Variants in PKN2 observed in about 807,000 individuals in gnomAD.
The protein encoded by PKN2 is serine/threonine-protein kinase N2.
Under a neutral mutation model 119.1 loss-of-function variants are expected in PKN2, and 38 were observed. The observed-to-expected ratio is 0.32, with a 90% CI of 0.25 to 0.42. PKN2 has a LOEUF of 0.42. Ranked by LOEUF, PKN2 falls within the 10% of genes least tolerant of loss-of-function variation. The probability of loss-of-function intolerance (pLI) is 1.00; values close to 1 mark genes in which losing one functional copy is unlikely to be tolerated. For missense variants in PKN2, 850 were observed against 1,165.1 expected (o/e 0.73, Z 3.94); for synonymous variants, 390 against 384.9 (o/e 1.01, Z -0.15).
At chr1:88,770,255 T>C (rs898609403) in intron 3 of PKN2, 97 bp from the exon 4 acceptor site, 19 of 656,798 alleles carry the variant, frequency 2.9e-5, no homozygotes, top group Non-Finnish European at 4.3e-5. Context: ...ACTCTGTTTT[T>C]CACTTGCTGA....
chr1:88,720,024 TTTGTTG>T (rs34630092), intron 1 of PKN2, among the ~76,000 whole-genome samples: 16 of 151,906 alleles, frequency 1.1e-4, no homozygotes, highest in East Asian at 5.8e-4. Flanking sequence ...CAAAATGTTT[TTTGTTG>T]TTGTTGTTGT....
chr1:88,777,636 A>G (rs1415677129), intron 6 of PKN2, among the ~76,000 whole-genome samples: 5 of 152,180 alleles, frequency 3.3e-5, no homozygotes, highest in Non-Finnish European at 5.9e-5. Context: ...TATTTCATTA[A>G]TATATTGTAC....
At chr1:88,788,879 A>G (rs1220461426) in intron 8 of PKN2, among the ~76,000 whole-genome samples, 1 of 152,196 alleles carries the variant, frequency 6.6e-6, no homozygotes, top group Non-Finnish European at 1.5e-5. Flanking sequence ...TTCCTGTTAT[A>G]AAAAGCTTAA....
intron 1 of PKN2, among the ~76,000 whole-genome samples, chr1:88,709,465 C>T (rs761462279): frequency 1.3e-5 from 2 of 151,948 alleles, no homozygotes; most frequent in South Asian, 2.1e-4. Flanking sequence ...CTCTCTGGGG[C>T]GAGAGGATCA....
intron 1 of PKN2, among the ~76,000 whole-genome samples, chr1:88,724,188 CTA>C (rs1174698929): frequency 2.0e-5 from 3 of 152,140 alleles, no homozygotes; most frequent in Non-Finnish European, 2.9e-5. Flanking sequence ...AGTTAAATAA[CTA>C]TTAAGTGTTA....
intron 3 of PKN2, among the ~76,000 whole-genome samples, chr1:88,762,360 C>T (rs536369291): frequency 3.9e-5 from 6 of 152,110 alleles, no homozygotes; most frequent in African/African-American, 9.7e-5. Flanking sequence ...AAATGGAGGT[C>T]GAAAGCCTAT....
intron 1 of PKN2, among the ~76,000 whole-genome samples, chr1:88,687,746 G>T (rs925815010): frequency 4.7e-5 from 7 of 149,946 alleles, no homozygotes; most frequent in African/African-American, 1.8e-4. Flanking sequence ...AATTACAGGG[G>T]TTAATTTCAC....
At chr1:88,825,674 A>G (rs1445074271) in intron 18 of PKN2, among the ~76,000 whole-genome samples, 1 of 152,226 alleles carries the variant, frequency 6.6e-6, no homozygotes, top group Non-Finnish European at 1.5e-5. Context: ...CAGGTATAAT[A>G]ATCTCCTAAT....
intron 8 of PKN2, among the ~76,000 whole-genome samples, chr1:88,792,582 A>T (rs2100844973): frequency 6.6e-6 from 1 of 152,276 alleles, no homozygotes; most frequent in East Asian, 1.9e-4. Context: ...CTCCCCCAGA[A>T]CTTAAATACT....
intron 1 of PKN2, among the ~76,000 whole-genome samples, chr1:88,702,177 T>A (rs973859685): frequency 5.3e-5 from 8 of 152,178 alleles, no homozygotes; most frequent in Non-Finnish European, 1.0e-4. Context: ...CAAGGTGGTC[T>A]CGAACTCTTG....
chr1:88,767,646 A>G (rs1487817444), intron 3 of PKN2, among the ~76,000 whole-genome samples: 1 of 152,234 alleles, frequency 6.6e-6, no homozygotes, highest in Non-Finnish European at 1.5e-5. Flanking sequence ...ACATAGGTAT[A>G]TGTAGTCCGT....
intron 19 of PKN2, among the ~76,000 whole-genome samples, chr1:88,832,289 T>G (rs1295072253): frequency 6.6e-6 from 1 of 151,978 alleles, no homozygotes; most frequent in Non-Finnish European, 1.5e-5. Flanking sequence ...ATTAACCTTA[T>G]CCATTTTCTT....
chr1:88,684,809 C>T (rs1666009679), intron 1 of PKN2, 181 bp downstream of exon 1: 4 of 532,932 alleles, frequency 7.5e-6, no homozygotes, highest in Non-Finnish European at 6.5e-6. Context: ...GGGAGCCGGA[C>T]CCTCTCCCCC....
chr1:88,713,147 G>T (rs1055736734), intron 1 of PKN2, among the ~76,000 whole-genome samples: 1 of 152,150 alleles, frequency 6.6e-6, no homozygotes, highest in Non-Finnish European at 1.5e-5. Flanking sequence ...GTGTATATGT[G>T]CCACACTTTC....
rs182112149 is a variant in PKN2, at chr1:88,759,136, G to A, written c.350-1086G>A. On this transcript the variant is annotated intron_variant, in intron 2 of 21. Transcript: ENST00000370521. ...TCCCAGCACTTTGGGAGGCCAAGGCGGGCAGATCACGAGGTCAGGAGTTCG... is the reference window on the plus strand; with the variant it reads ...TCCCAGCACTTTGGGAGGCCAAGGCAGGCAGATCACGAGGTCAGGAGTTCG... Among the ~76,000 whole-genome samples the A allele has an allele frequency of 1.4e-4, 22 of 152,310 alleles. No homozygotes were observed. The East Asian group carries it at 3.9e-3, about 27-fold the overall frequency.
At chr1:88,762,258 T>C (rs1669478418) in intron 3 of PKN2, among the ~76,000 whole-genome samples, 1 of 152,234 alleles carries the variant, frequency 6.6e-6, no homozygotes, top group African/African-American at 2.4e-5. Flanking sequence ...AGATCCAAAG[T>C]GAACAAGGCT....
intron 1 of PKN2, among the ~76,000 whole-genome samples, chr1:88,706,787 T>A (rs1667020882): frequency 6.6e-6 from 1 of 152,188 alleles, no homozygotes; most frequent in Admixed American, 6.5e-5. Flanking sequence ...TTCATTTTCA[T>A]TCAGTTCAGA....
At chr1:88,710,692 C>T (rs1570510956) in intron 1 of PKN2, among the ~76,000 whole-genome samples, 1 of 152,204 alleles carries the variant, frequency 6.6e-6, no homozygotes, top group Admixed American at 6.5e-5. Flanking sequence ...TGCTTATACA[C>T]TGTTGGTGGA....
In PKN2 at chr1:88,834,981, G is replaced by A. The variant is rs1570704087; in HGVS notation, c.*1533G>A. 2 of 152,566 alleles carry A rather than the reference G, an allele frequency of 1.3e-5. No individual in the cohort carries two copies. The highest frequency in any genetic ancestry group is 4.1e-4 in the South Asian group (2 of 4,828). 9.5% of individuals were successfully genotyped at this position (152,566 alleles called of 1,614,324 possible). A position where few individuals can be genotyped will look rare whatever the true frequency, so the allele number is the denominator to read the frequency against. ...ATACTGAATTAACTATTTAATTACA[G>A]TGAGCTCATCTCTTAAAAATTGTTC... is the stretch of plus-strand genomic sequence containing the variant. On this transcript the variant is annotated 3_prime_UTR_variant, in exon 22 of 22. Coordinates refer to ENST00000370521, the MANE Select transcript of PKN2 (RefSeq NM_006256.4).
Sources: allele counts gnomAD v4.1 joint callset (sites outside exome capture counted in the v4.1 genomes callset), GRCh38; gene constraint gnomAD v4.1.1; transcripts MANE v1.5; gene names NCBI Gene and HGNC (gene_info 2026-07-23, HGNC 2026-07-21).